Variants in MARVELD3 observed in about 807,000 individuals in gnomAD.
MARVELD3 encodes MARVEL domain containing 3, also known as MARVEL domain-containing protein 3.
In MARVELD3, 28 loss-of-function variants were observed where a neutral mutation model predicts 33.5. The ratio of observed to expected loss-of-function variants is 0.84; its 90% CI spans 0.62 to 1.15. The LOEUF (loss-of-function observed/expected upper bound fraction) is 1.15, where lower values mean the gene tolerates loss of function less well. MARVELD3 is among the 50% of genes most tolerant of loss of function. The probability of loss-of-function intolerance (pLI) is 0.00; values close to 1 mark genes in which losing one functional copy is unlikely to be tolerated. For synonymous variants in MARVELD3, 241 were observed against 230.4 expected (o/e 1.05, Z -0.42); for missense variants, 582 against 547.6 (o/e 1.06, Z -0.63).
At position 71,635,125 on chromosome 16, in the gene MARVELD3, C is replaced by G. The variant is rs1443943472; in HGVS notation, c.*322C>G. Reference sequence around the variant, plus strand: ...GGTGGATCACTTGAGGTCAGGAGCTCGAGACCAGCTTGGCCAACATGGTGA... The same window carrying G: ...GGTGGATCACTTGAGGTCAGGAGCTGGAGACCAGCTTGGCCAACATGGTGA... On this transcript the variant is annotated 3_prime_UTR_variant, in exon 3 of 3. Transcript: ENST00000268485. 1 of 916,812 alleles carries G rather than the reference C, an allele frequency of 1.1e-6. No homozygotes were observed. Among genetic ancestry groups the G allele is most frequent in the African/African-American group, 1.8e-5 (1 of 56,260 alleles). 56.8% of individuals were successfully genotyped at this position (916,812 alleles called of 1,614,324 possible).
chr16:71,634,207 C>G lies in MARVELD3; in HGVS notation c.610C>G (p.Leu204Val). ...LCTGRACCQM[L>V]EVLLNLLILA... ...TTTTTTTGCAGCCTGCTGCCAAATG[C>G]TGGAGGTTCTCCTGAACTTGCTGAT... The change falls in exon 3 of 3, where the codon CTG becomes GTG. Residue 204 changes from leucine to valine, a missense_variant. By Grantham distance (32) the Leu-to-Val change is conservative (BLOSUM62 1). Coordinates refer to ENST00000268485, the MANE Select transcript of MARVELD3 (RefSeq NM_052858.6). The G allele has an allele frequency of 6.2e-7, 1 of 1,601,906 alleles. No individual in the cohort carries two copies. The highest frequency in any genetic ancestry group is 8.5e-7 in the Non-Finnish European group (1 of 1,171,126).
At chr16:71,639,657 G>C (rs1459958802), downstream of MARVELD3, among the ~76,000 whole-genome samples, 1 of 150,910 alleles carries the variant, frequency 6.6e-6, no homozygotes, top group Non-Finnish European at 1.5e-5. Context: ...ATGTTGGTCA[G>C]GCTGGTCTCC....
intron 2 of MARVELD3, among the ~76,000 whole-genome samples, chr16:71,632,191 C>CA (rs1240962888): frequency 2.0e-5 from 3 of 152,116 alleles, no homozygotes; most frequent in Non-Finnish European, 4.4e-5. Context: ...GGTTTGCTGA[C>CA]AAGGAAAGTG....
Position 71,635,685 on chromosome 16 carries a change from C to T in MARVELD3, c.*882C>T, listed in dbSNP as rs1486905441. The T allele has an allele frequency of 1.0e-6, 1 of 984,918 alleles. No individual in the cohort carries two copies. Among genetic ancestry groups the T allele is most frequent in the Non-Finnish European group, 1.2e-6 (1 of 829,890 alleles). 61.0% of individuals were successfully genotyped at this position (984,918 alleles called of 1,614,324 possible). ...CACTTCAGCCTGAATTTTTCTAAAACACAGTTGTCTCAAGCAGATTACTCC... is the reference window on the plus strand; with the variant it reads ...CACTTCAGCCTGAATTTTTCTAAAATACAGTTGTCTCAAGCAGATTACTCC... On this transcript the variant is annotated 3_prime_UTR_variant, in exon 3 of 3. Coordinates refer to ENST00000268485, the MANE Select transcript of MARVELD3 (RefSeq NM_052858.6).
chr16:71,634,147 G>C (rs779512688), intron 2 of MARVELD3, 46 bp from the exon 3 acceptor site: 5 of 1,561,016 alleles, frequency 3.2e-6, no homozygotes, highest in Non-Finnish European at 4.3e-6. Context: ...GAGTCTCCTG[G>C]TGCCAAACAG....
chr16:71,637,609 T>C (rs529102715), downstream of MARVELD3, among the ~76,000 whole-genome samples: 20 of 152,292 alleles, frequency 1.3e-4, no homozygotes, highest in South Asian at 4.1e-3. Flanking sequence ...CCGCTAGGAA[T>C]TTGTGTGGGC....
At chr16:71,640,301 G>A, downstream of MARVELD3, 6 of 1,372,756 alleles carry the variant, frequency 4.4e-6, no homozygotes, top group South Asian at 4.1e-5. Context: ...AATCAACCAC[G>A]TCCTTAAAAT....
downstream of MARVELD3, chr16:71,640,900 T>G: frequency 6.2e-7 from 1 of 1,614,162 alleles, no homozygotes; most frequent in Non-Finnish European, 8.5e-7. Context: ...CTTCTCGTGA[T>G]CATGTACGGC....
downstream of MARVELD3, chr16:71,641,173 A>T: frequency 1.9e-6 from 2 of 1,057,294 alleles, no homozygotes; most frequent in Non-Finnish European, 2.7e-6. Context: ...AGAATTGAGG[A>T]CGGGCATGGT....
Position 71,636,082 on chromosome 16 carries a change from G to A in MARVELD3, c.*1279G>A, listed in dbSNP as rs2044579415. 5.1e-6 allele frequency: 5 copies of A among 984,986 alleles called. No individual in the cohort carries two copies. Among genetic ancestry groups the A allele is most frequent in the Middle Eastern group, 5.2e-4 (1 of 1,936 alleles). 61.0% of individuals were successfully genotyped at this position (984,986 alleles called of 1,614,324 possible). ...TACTGCACATTAAATTATGACTTAT[G>A]GAACATTGCAATATATTCTCGGTCC... On this transcript the variant is annotated 3_prime_UTR_variant, in exon 3 of 3. Transcript: ENST00000268485.
At chr16:71,637,372 G>A (rs1267865950), downstream of MARVELD3, among the ~76,000 whole-genome samples, 1 of 152,128 alleles carries the variant, frequency 6.6e-6, no homozygotes, top group African/African-American at 2.4e-5. Context: ...TAACGTCCAT[G>A]AAGAAGGAAA....
Position 71,636,150 on chromosome 16 carries a change from A to T in MARVELD3, c.*1347A>T, listed in dbSNP as rs980145917. 2.1e-5 allele frequency: 21 copies of T among 985,300 alleles called. No homozygotes were observed. Among genetic ancestry groups the T allele is most frequent in the Non-Finnish European group, 2.5e-5 (21 of 829,796 alleles). The allele number at this position is 985,300 out of a possible 1,614,324, so 61.0% of individuals were successfully genotyped here. On this transcript the variant is annotated 3_prime_UTR_variant, in exon 3 of 3. Coordinates refer to ENST00000268485, the MANE Select transcript of MARVELD3 (RefSeq NM_052858.6). ...GAACATTACAATATATTCTCGGTCC[A>T]AGTGAGTAAGTTCTTTGCTTTATGT... is the stretch of plus-strand genomic sequence containing the variant.
downstream of MARVELD3, chr16:71,640,553 G>A (rs924946365): frequency 5.6e-6 from 9 of 1,614,064 alleles, no homozygotes; most frequent in Non-Finnish European, 7.6e-6. Flanking sequence ...AGCAGGTTCG[G>A]CAGCTGGACC....
intron 2 of MARVELD3, among the ~76,000 whole-genome samples, chr16:71,631,804 A>G (rs2044537019): frequency 6.6e-6 from 1 of 152,260 alleles, no homozygotes; most frequent in Non-Finnish European, 1.5e-5. Context: ...AAAAAAAGAA[A>G]GAAAACAATA....
At position 71,636,313 on chromosome 16, in the gene MARVELD3, A is replaced by T. The variant is rs2044580978; in HGVS notation, c.*1510A>T. On this transcript the variant is annotated 3_prime_UTR_variant, in exon 3 of 3. Transcript: ENST00000268485. The stretch of plus-strand genomic sequence containing the variant: ...CATTTGAGTTTAGAAAAGGAAATAT[A>T]TATATACATGCTTGTATATGATTGG... 1 of 247,308 alleles carries T rather than the reference A, an allele frequency of 4.0e-6. No individual in the cohort carries two copies. The highest frequency in any genetic ancestry group is 1.5e-4 in the South Asian group (1 of 6,824). 15.3% of individuals were successfully genotyped at this position (247,308 alleles called of 1,614,324 possible). A position where few individuals can be genotyped will look rare whatever the true frequency, so the allele number is the denominator to read the frequency against.
In MARVELD3 at chr16:71,635,719, T is replaced by C; in HGVS notation, c.*916T>C. On this transcript the variant is annotated 3_prime_UTR_variant, in exon 3 of 3. Transcript: ENST00000268485. ...CTCAAGCAGATTACTCCACACGTTT[T>C]TCCACACTGAACTCTCCAGTCCTTC... 1 of 985,404 alleles carries C rather than the reference T, an allele frequency of 1.0e-6. No individual in the cohort carries two copies. Among genetic ancestry groups the C allele is most frequent in the African/African-American group, 1.7e-5 (1 of 57,334 alleles). The allele number at this position is 985,404 out of a possible 1,614,324, so 61.0% of individuals were successfully genotyped here.
chr16:71,641,291 A>C, downstream of MARVELD3: 1 of 397,542 alleles, frequency 2.5e-6, no homozygotes, highest in East Asian at 5.1e-5. Flanking sequence ...TGTCTCTACT[A>C]AAAATACAAA....
chr16:71,633,081 C>T (rs762971239), intron 2 of MARVELD3, among the ~76,000 whole-genome samples: 6 of 151,946 alleles, frequency 3.9e-5, no homozygotes, highest in Admixed American at 2.0e-4. Context: ...GAGGAGATAA[C>T]GACCAGTGCA....
At chr16:71,640,502 T>G, downstream of MARVELD3, 1 of 1,614,094 alleles carries the variant, frequency 6.2e-7, no homozygotes, top group Non-Finnish European at 8.5e-7. Flanking sequence ...GCGGTGGCTT[T>G]GGGAACAACT....
Sources: gnomAD v4.1 joint callset for allele counts (sites outside exome capture counted in the v4.1 genomes callset) on GRCh38, gnomAD v4.1.1 for gene constraint, MANE v1.5 for transcripts, NCBI Gene and HGNC (gene_info 2026-07-23, HGNC 2026-07-21) for gene names.